Variants in LRRC37A2 observed in about 807,000 individuals in gnomAD.
LRRC37A2 encodes leucine-rich repeat-containing protein 37A2.
LRRC37A2 carries 9 observed loss-of-function variants against 68.8 expected under a neutral mutation model. The observed-to-expected ratio is 0.13, with a 90% CI of 0.08 to 0.23. The LOEUF (loss-of-function observed/expected upper bound fraction) is 0.23. LRRC37A2 is among the 10% of genes least tolerant of loss of function. LRRC37A2 has a pLI of 1.00. For synonymous variants in LRRC37A2, 63 were observed against 367.6 expected, an observed-to-expected ratio of 0.17 and a Z score of 9.48; for missense variants, 168 against 950.4, an observed-to-expected ratio of 0.18 and a Z score of 10.82.
chr17:47,021,944 T>A, the LRRC37A2 span: 18 of 1,502,266 alleles, frequency 1.2e-5, no homozygotes, highest in Admixed American at 1.7e-5. Flanking sequence ...TCTCCAAATA[T>A]GACAAAAAGC....
the LRRC37A2 span, among the ~76,000 whole-genome samples, chr17:46,779,053 TCACACACACACACACA>T: frequency 4.8e-4 from 48 of 100,658 alleles, 1 homozygote; most frequent in South Asian, 2.8e-3. Flanking sequence ...CCCTACCCCA[TCACACACACACACACA>T]CACACACACA....
the LRRC37A2 span, chr17:46,931,834 T>A: frequency 3.5e-6 from 2 of 578,444 alleles, no homozygotes; most frequent in Non-Finnish European, 6.2e-6. Context: ...GAGCAACAGA[T>A]TCTGAAGTCA....
the LRRC37A2 span, among the ~76,000 whole-genome samples, chr17:47,002,382 A>T: frequency 1.4e-5 from 1 of 69,244 alleles, no homozygotes; most frequent in Admixed American, 1.4e-4. Flanking sequence ...AATTATTTTT[A>T]TTTTTATTTT....
At chr17:46,541,742 G>T (rs2055361379) in intron 8 of LRRC37A2, among the ~76,000 whole-genome samples, 1 of 150,818 alleles carries the variant, frequency 6.6e-6, no homozygotes, top group Non-Finnish European at 1.5e-5. Flanking sequence ...TTAAAATACA[G>T]TATAATTATG....
the LRRC37A2 span, chr17:46,769,969 G>A: frequency 3.1e-6 from 5 of 1,611,948 alleles, no homozygotes; most frequent in Non-Finnish European, 4.2e-6. Context: ...TGGTGGAGGT[G>A]CCCTCGGCGC....
chr17:46,962,502 C>G, the LRRC37A2 span, among the ~76,000 whole-genome samples: 1 of 152,068 alleles, frequency 6.6e-6, no homozygotes, highest in Non-Finnish European at 1.5e-5. Flanking sequence ...TATGCTGATT[C>G]TGGGCCAATT....
At chr17:46,496,625 A>AC in the LRRC37A2 span, among the ~76,000 whole-genome samples, 58,686 of 110,846 alleles carry the variant, frequency 0.53, 15,437 homozygotes, top group Middle Eastern at 0.72. Flanking sequence ...AAAAAACAAA[A>AC]CAAAACAGGC....
chr17:46,721,844 C>T, the LRRC37A2 span: 1 of 1,590,098 alleles, frequency 6.3e-7, no homozygotes, highest in Non-Finnish European at 8.6e-7. Context: ...TTTTGTACGG[C>T]TTTTTCGAGT....
At chr17:46,761,330 G>GTTT in the LRRC37A2 span, among the ~76,000 whole-genome samples, 1 of 145,552 alleles carries the variant, frequency 6.9e-6, no homozygotes, top group Non-Finnish European at 1.5e-5. Flanking sequence ...GTTTTTTTTT[G>GTTT]TTTGTTTTTT....
At chr17:46,421,230 C>A in the LRRC37A2 span, among the ~76,000 whole-genome samples, 1 of 33,374 alleles carries the variant, frequency 3.0e-5, no homozygotes, top group African/African-American at 1.0e-4. Flanking sequence ...CACGCCTGGC[C>A]AAATGAGGAA....
chr17:47,001,378 C>T, the LRRC37A2 span, among the ~76,000 whole-genome samples: 2 of 124,278 alleles, frequency 1.6e-5, no homozygotes, highest in Admixed American at 1.8e-4. Flanking sequence ...GATGCTTTTC[C>T]CCACTTCTGA....
the LRRC37A2 span, among the ~76,000 whole-genome samples, chr17:46,996,302 T>A: frequency 6.6e-6 from 1 of 152,166 alleles, no homozygotes; most frequent in Non-Finnish European, 1.5e-5. Flanking sequence ...GGAAATAAGA[T>A]CAGGTCGAAT....
chr17:46,911,757 G>T, the LRRC37A2 span, among the ~76,000 whole-genome samples: 17 of 152,134 alleles, frequency 1.1e-4, no homozygotes, highest in Non-Finnish European at 2.2e-4. Flanking sequence ...GGTGGCACAC[G>T]CCTGTAGTCC....
the LRRC37A2 span, among the ~76,000 whole-genome samples, chr17:46,710,191 G>A: frequency 6.6e-6 from 1 of 152,100 alleles, no homozygotes; most frequent in African/African-American, 2.4e-5. Context: ...CATGTAGTAG[G>A]TTATGTTTTC....
the LRRC37A2 span, chr17:46,714,121 G>A: frequency 1.7e-5 from 14 of 838,206 alleles, no homozygotes; most frequent in Non-Finnish European, 2.3e-5. Context: ...CAAATTATCA[G>A]CAGAATATGG....
the LRRC37A2 span, chr17:46,923,273 AG>A: frequency 6.5e-7 from 1 of 1,549,666 alleles, no homozygotes; most frequent in Non-Finnish European, 8.7e-7. Context: ...AGGCCAGGTG[AG>A]CCTGGCTTCT....
chr17:46,771,367 C>G, the LRRC37A2 span, among the ~76,000 whole-genome samples: 4 of 151,716 alleles, frequency 2.6e-5, no homozygotes, highest in African/African-American at 9.7e-5. Context: ...GGGGGCGCCT[C>G]GGGGAAGAGG....
At chr17:47,027,488 T>C in the LRRC37A2 span, 1 of 765,876 alleles carries the variant, frequency 1.3e-6, no homozygotes, top group Admixed American at 2.0e-5. Flanking sequence ...TTCTAAACTC[T>C]TGCTATTATT....
the LRRC37A2 span, among the ~76,000 whole-genome samples, chr17:47,011,964 A>G: frequency 1.3e-5 from 2 of 152,056 alleles, no homozygotes; most frequent in Admixed American, 1.3e-4. Context: ...ATAGTTACTG[A>G]TTTTTTTCTA....
Sources: allele counts gnomAD v4.1 joint callset (sites outside exome capture counted in the v4.1 genomes callset), GRCh38; gene constraint gnomAD v4.1.1; transcripts MANE v1.5; gene names NCBI Gene and HGNC (gene_info 2026-07-23, HGNC 2026-07-21).